Variants in ANXA2 observed in about 807,000 individuals in gnomAD.
ANXA2 encodes the protein annexin II.
Under a neutral mutation model 47.3 loss-of-function variants are expected in ANXA2, and 28 were observed. That is an observed-to-expected ratio of 0.59 (90% CI 0.44 to 0.81). The LOEUF (loss-of-function observed/expected upper bound fraction) is 0.81, where lower values mean the gene tolerates loss of function less well. ANXA2 is among the 40% of genes least tolerant of loss of function. ANXA2 has a pLI of 0.00. For missense variants in ANXA2, 384 were observed against 414.3 expected, an observed-to-expected ratio of 0.93 and a Z score of 0.64; for synonymous variants, 172 against 155.5, an observed-to-expected ratio of 1.11 and a Z score of -0.79.
chr15:60,393,737 G>T, intron 1 of ANXA2: 1 of 954,738 alleles, frequency 1.0e-6, no homozygotes, highest in Non-Finnish European at 1.2e-6. Context: ...TTGTGTGTCT[G>T]TGCAACATTA....
chr15:60,380,804 CA>C (rs61570476), intron 3 of ANXA2, among the ~76,000 whole-genome samples: 16,377 of 60,906 alleles, frequency 0.27, 497 homozygotes, highest in Middle Eastern at 0.37. Flanking sequence ...AACTCCATCT[CA>C]AAAAAAAAAA....
intron 8 of ANXA2, among the ~76,000 whole-genome samples, chr15:60,353,413 C>T (rs960115551): frequency 6.6e-6 from 1 of 152,164 alleles, no homozygotes; most frequent in African/African-American, 2.4e-5. Flanking sequence ...TTCTGCTTCC[C>T]ACCTGCCTGC....
intron 1 of ANXA2, chr15:60,390,274 A>C: frequency 1.9e-6 from 2 of 1,058,548 alleles, no homozygotes; most frequent in South Asian, 2.8e-5. Flanking sequence ...TATCCATATA[A>C]ATATTTCCTA....
At chr15:60,349,258 T>C in intron 11 of ANXA2, 61 bp from the exon 12 acceptor site, 1 of 1,587,920 alleles carries the variant, frequency 6.3e-7, no homozygotes, top group Middle Eastern at 1.7e-4. Flanking sequence ...AGAAAGCGTC[T>C]ACAGGTTGAG....
intron 1 of ANXA2, chr15:60,390,271 A>G: frequency 9.4e-7 from 1 of 1,062,316 alleles, no homozygotes. Flanking sequence ...TTGTATCCAT[A>G]TAAATATTTC....
intron 11 of ANXA2, 63 bp from the exon 12 acceptor site, chr15:60,349,260 C>T (rs1281216944): frequency 1.4e-5 from 22 of 1,576,758 alleles, no homozygotes; most frequent in Non-Finnish European, 1.7e-5. Context: ...AAAGCGTCTA[C>T]AGGTTGAGCA....
intron 1 of ANXA2, chr15:60,397,209 A>G (rs2063091995): frequency 2.2e-6 from 2 of 924,428 alleles, no homozygotes; most frequent in Non-Finnish European, 2.6e-6. Flanking sequence ...TTGTCACATC[A>G]TGGCGAGTAA....
chr15:60,390,524 AT>A (rs2062995185), intron 1 of ANXA2: 1 of 476,640 alleles, frequency 2.1e-6, no homozygotes, highest in African/African-American at 2.0e-5. Flanking sequence ...GACTAAGGCA[AT>A]TTTCTGGAAA....
At chr15:60,349,314 A>C (rs1261434144) in intron 11 of ANXA2, 117 bp from the exon 12 acceptor site, 2 of 1,173,592 alleles carry the variant, frequency 1.7e-6, no homozygotes. Context: ...CCAAAATCCA[A>C]AACTTTTTCA....
chr15:60,376,533 A>C (rs756974645), intron 3 of ANXA2, among the ~76,000 whole-genome samples: 5 of 152,140 alleles, frequency 3.3e-5, no homozygotes, highest in Non-Finnish European at 7.3e-5. Flanking sequence ...GCACACCTGG[A>C]GGTATATTCA....
chr15:60,390,807 CAA>C (rs1447649733), intron 1 of ANXA2: 1 of 156,596 alleles, frequency 6.4e-6, no homozygotes, highest in African/African-American at 2.4e-5. Flanking sequence ...CCTAGCAATG[CAA>C]AGTCATTTTG....
At chr15:60,351,892 T>A in intron 9 of ANXA2, 73 bp from the exon 10 acceptor site, 3 of 1,019,704 alleles carry the variant, frequency 2.9e-6, no homozygotes, top group Non-Finnish European at 4.6e-6. Flanking sequence ...CCACCTAGTT[T>A]TATGCACCAT....
At chr15:60,355,558 T>A in intron 7 of ANXA2, 1 of 354,236 alleles carries the variant, frequency 2.8e-6, no homozygotes. Flanking sequence ...GTAAACGCAG[T>A]GAAAAAGAAA....
At chr15:60,394,151 C>T (rs2063050598) in intron 1 of ANXA2, among the ~76,000 whole-genome samples, 2 of 152,158 alleles carry the variant, frequency 1.3e-5, no homozygotes, top group Non-Finnish European at 2.9e-5. Flanking sequence ...GTCCATAGGA[C>T]CACATGGGAA....
intron 3 of ANXA2, among the ~76,000 whole-genome samples, chr15:60,375,844 G>A (rs527558029): frequency 6.6e-6 from 1 of 152,172 alleles, no homozygotes; most frequent in Non-Finnish European, 1.5e-5. Context: ...AGTATGATGA[G>A]AACACAGACC....
chr15:60,369,923 A>G (rs1250015750), intron 3 of ANXA2, among the ~76,000 whole-genome samples: 2 of 152,178 alleles, frequency 1.3e-5, no homozygotes, highest in African/African-American at 4.8e-5. Flanking sequence ...TAAAGAGTTC[A>G]CTCCACAAGC....
intron 7 of ANXA2, 145 bp downstream of exon 7, chr15:60,355,774 T>C (rs1242992335): frequency 1.3e-6 from 1 of 755,522 alleles, no homozygotes; most frequent in South Asian, 1.4e-5. Flanking sequence ...AACTCTGCAG[T>C]GACAGTGCAA....
At chr15:60,356,122 T>C (rs779309205) in intron 6 of ANXA2, 124 bp from the exon 7 acceptor site, 8 of 695,948 alleles carry the variant, frequency 1.1e-5, no homozygotes, top group Non-Finnish European at 1.8e-5. Context: ...ACATATCCAT[T>C]CTCCTTAACC....
At chr15:60,365,973 C>A (rs1390267498) in intron 3 of ANXA2, among the ~76,000 whole-genome samples, 7 of 142,114 alleles carry the variant, frequency 4.9e-5, no homozygotes, top group Middle Eastern at 3.3e-3. Flanking sequence ...CTCAGCCTGC[C>A]GAGTGCCTGC....
Sources: allele counts gnomAD v4.1 joint callset (sites outside exome capture counted in the v4.1 genomes callset), GRCh38; gene constraint gnomAD v4.1.1; transcripts MANE v1.5; gene names NCBI Gene and HGNC (gene_info 2026-07-23, HGNC 2026-07-21).